The following RASA1 variants were observed in gnomAD, a reference collection of about 807,000 sequenced individuals.
RASA1 encodes the protein ras GTPase-activating protein 1.
Under a neutral mutation model 132.2 loss-of-function variants are expected in RASA1, and 25 were observed. The observed-to-expected ratio is 0.19, with a 90% CI of 0.14 to 0.26. The LOEUF (loss-of-function observed/expected upper bound fraction) is 0.26, where lower values mean the gene tolerates loss of function less well. Among genes scored for constraint, RASA1 ranks in the 10% least tolerant of loss-of-function variants. RASA1 has a pLI of 1.00. For synonymous variants in RASA1, 477 were observed against 449.9 expected, an observed-to-expected ratio of 1.06 and a Z score of -0.76; for missense variants, 964 against 1,299.2, an observed-to-expected ratio of 0.74 and a Z score of 3.97.
intron 11 of RASA1, among the ~76,000 whole-genome samples, chr5:87,368,926 G>A (rs1207358772): frequency 2.6e-5 from 4 of 152,136 alleles, no homozygotes; most frequent in Non-Finnish European, 5.9e-5. Context: ...TATCCAACTA[G>A]GGTGGTTAGT....
At chr5:87,287,715 ATAGATATACCATTATGTACAC>A (rs762572266) in intron 1 of RASA1, among the ~76,000 whole-genome samples, 11,957 of 80,032 alleles carry the variant, frequency 0.15, 3,381 homozygotes, top group Middle Eastern at 0.24. Flanking sequence ...TGTACACGCC[ATAGATATACCATTATGTACAC>A]GCCATAGATA....
At chr5:87,377,343 A>G (rs1209938456) in intron 17 of RASA1, among the ~76,000 whole-genome samples, 1 of 151,414 alleles carries the variant, frequency 6.6e-6, no homozygotes, top group African/African-American at 2.4e-5. Context: ...CTTGTTTTTT[A>G]TTTTCTTTTG....
At chr5:87,349,048 A>G (rs1375163446) in intron 7 of RASA1, among the ~76,000 whole-genome samples, 166 bp from the exon 8 acceptor site, 1 of 151,976 alleles carries the variant, frequency 6.6e-6, no homozygotes, top group Admixed American at 6.6e-5. Flanking sequence ...ATGGTTGTGA[A>G]TCATAAACCA....
intron 1 of RASA1, among the ~76,000 whole-genome samples, chr5:87,295,524 T>C (rs910471758): frequency 6.6e-6 from 1 of 151,284 alleles, no homozygotes; most frequent in Non-Finnish European, 1.5e-5. Flanking sequence ...TATTTATTTA[T>C]TTATTTTTTT....
At position 87,268,712 on chromosome 5, in the gene RASA1, A is replaced by G. The variant is rs775947669; in HGVS notation, c.261A>G (p.Thr87=). 2 of 1,612,218 alleles carry G rather than the reference A, an allele frequency of 1.2e-6. No individual in the cohort carries two copies. Among genetic ancestry groups the G allele is most frequent in the Non-Finnish European group, 1.7e-6 (2 of 1,179,254 alleles). The change falls in exon 1 of 25, where the codon ACA becomes ACG. Residue 87 remains threonine, a synonymous_variant. Transcript: ENST00000274376. ...GGGCACTGGGGGGAGCTGGACTGAC[A>G]GGGGGAGGTACTGCTGCTGGCGTAG... ...VAGALGGAGL[T]GGGTAAGVAG...
chr5:87,304,627 C>G (rs1200403883), intron 1 of RASA1, among the ~76,000 whole-genome samples: 2 of 152,032 alleles, frequency 1.3e-5, no homozygotes, highest in Non-Finnish European at 2.9e-5. Context: ...GCCCCCATAC[C>G]CAGCTAATTT....
intron 17 of RASA1, among the ~76,000 whole-genome samples, chr5:87,377,805 T>C (rs988739995): frequency 6.6e-6 from 1 of 152,196 alleles, no homozygotes; most frequent in African/African-American, 2.4e-5. Context: ...TTCTTGCTTC[T>C]AGGTTCCCCA....
At chr5:87,382,558 ATTC>A (rs915015447) in intron 20 of RASA1, among the ~76,000 whole-genome samples, 11 of 152,294 alleles carry the variant, frequency 7.2e-5, no homozygotes, top group South Asian at 2.1e-4. Context: ...ATTAGTGTGG[ATTC>A]TTCTTAAAAG....
chr5:87,283,146 G>GTTTTTTTTTTT (rs1235994274), intron 1 of RASA1, among the ~76,000 whole-genome samples: 2 of 95,258 alleles, frequency 2.1e-5, no homozygotes, highest in South Asian at 3.5e-4. Flanking sequence ...TTTTTTTTTT[G>GTTTTTTTTTTT]TGTTTTTTTT....
chr5:87,291,172 T>G (rs999429178), intron 1 of RASA1, among the ~76,000 whole-genome samples: 1 of 152,188 alleles, frequency 6.6e-6, no homozygotes, highest in African/African-American at 2.4e-5. Flanking sequence ...GATATCTTGT[T>G]TGAATATGCT....
At chr5:87,373,304 G>C (rs1487288123) in intron 13 of RASA1, among the ~76,000 whole-genome samples, 1 of 152,062 alleles carries the variant, frequency 6.6e-6, no homozygotes, top group East Asian at 1.9e-4. Context: ...CATTCACATT[G>C]TATTAGGTAT....
chr5:87,378,520 A>G lies in RASA1; in HGVS notation c.2469A>G (p.Glu823=). 6.2e-7 allele frequency: 1 copy of G among 1,611,066 alleles called. No homozygotes were observed. Residue 823 remains glutamate (E), a synonymous_variant, in exon 18 of 25, where the codon GAA becomes GAG. Coordinates refer to ENST00000274376, the MANE Select transcript of RASA1 (RefSeq NM_002890.3). ...ALKDSILKIM[E]SKQSCELSPS... is the part of the protein sequence containing the mutation. ...AAGACTCTATTTTAAAGATAATGGA[A>G]AGCAAGCAGTCTTGTGAGGTAAGAA...
Position 87,353,214 on chromosome 5 carries a change from T to G in RASA1, c.1311T>G (p.Leu437=). The change falls in exon 9 of 25, where the codon CTT becomes CTG. Residue 437 remains leucine, a synonymous_variant. Transcript: ENST00000274376. ...RKEQIVEGYY[L]KEPVPMQDQE... is the part of the protein sequence containing the mutation. The stretch of plus-strand genomic sequence containing the variant: ...AACAGATTGTTGAAGGATATTATCT[T>G]AAGGAACCTGTACCAATGCAGGTCA... The G allele has an allele frequency of 6.2e-7, 1 of 1,608,710 alleles. No individual in the cohort carries two copies. The highest frequency in any genetic ancestry group is 8.5e-7 in the Non-Finnish European group (1 of 1,175,608).
At chr5:87,352,239 T>G (rs1759328669) in intron 8 of RASA1, among the ~76,000 whole-genome samples, 1 of 151,820 alleles carries the variant, frequency 6.6e-6, no homozygotes, top group South Asian at 2.1e-4. Flanking sequence ...GTTTTGGTTT[T>G]TAACATTACT....
chr5:87,307,964 T>C (rs1179153841), intron 1 of RASA1, among the ~76,000 whole-genome samples: 2 of 152,240 alleles, frequency 1.3e-5, no homozygotes, highest in Admixed American at 6.5e-5. Context: ...TAGATCACCT[T>C]AATCACAAAA....
chr5:87,328,104 ACTT>A (rs977101131), intron 1 of RASA1, among the ~76,000 whole-genome samples: 1 of 152,220 alleles, frequency 6.6e-6, no homozygotes, highest in Non-Finnish European at 1.5e-5. Context: ...ATGAGTCAAC[ACTT>A]CTTCTTTCAT....
intron 2 of RASA1, 42 bp downstream of exon 2, chr5:87,331,542 T>TTTTGATA (rs779885951): frequency 3.1e-6 from 5 of 1,592,042 alleles, no homozygotes; most frequent in African/African-American, 1.3e-5. Context: ...GATGTAGCTA[T>TTTTGATA]TTTGATATAA....
intron 7 of RASA1, among the ~76,000 whole-genome samples, chr5:87,348,568 A>G (rs2112419502): frequency 6.6e-6 from 1 of 152,104 alleles, no homozygotes; most frequent in African/African-American, 2.4e-5. Context: ...ATGTATACAC[A>G]TATTTCAGTT....
chr5:87,309,030 AAC>A (rs1243590826), intron 1 of RASA1, among the ~76,000 whole-genome samples: 1 of 152,190 alleles, frequency 6.6e-6, no homozygotes, highest in Non-Finnish European at 1.5e-5. Flanking sequence ...GGAAAAATAC[AAC>A]ATATTAAAAA....
Sources: allele counts gnomAD v4.1 joint callset (sites outside exome capture counted in the v4.1 genomes callset), GRCh38; gene constraint gnomAD v4.1.1; transcripts MANE v1.5; gene names NCBI Gene and HGNC (gene_info 2026-07-23, HGNC 2026-07-21).